Variants in SF3B3 observed in about 807,000 individuals in gnomAD.
The protein encoded by SF3B3 is SAP 130.
Under a neutral mutation model 139.2 loss-of-function variants are expected in SF3B3, and 33 were observed. The ratio of observed to expected loss-of-function variants is 0.24; its 90% CI spans 0.18 to 0.32. The LOEUF is 0.32. Ranked by LOEUF, SF3B3 falls within the 10% of genes least tolerant of loss-of-function variation. SF3B3 has a pLI of 1.00. For synonymous variants in SF3B3, 596 were observed against 563.6 expected (o/e 1.06, Z -0.81); for missense variants, 818 against 1,509.4 (o/e 0.54, Z 7.59).
chr16:70,538,156 A>G (rs2050186415), intron 6 of SF3B3, 167 bp from the exon 7 acceptor site: 1 of 749,480 alleles, frequency 1.3e-6, no homozygotes, highest in Non-Finnish European at 2.4e-6. Context: ...TTATATTAGA[A>G]TTTTGAGCTG....
chr16:70,533,863 T>C (rs1335304078), intron 5 of SF3B3, among the ~76,000 whole-genome samples: 1 of 152,248 alleles, frequency 6.6e-6, no homozygotes, highest in Non-Finnish European at 1.5e-5. Flanking sequence ...TTGTAACATA[T>C]TACCATACCT....
chr16:70,541,929 C>A, intron 9 of SF3B3, 95 bp downstream of exon 9: 1 of 1,142,498 alleles, frequency 8.8e-7, no homozygotes, highest in Non-Finnish European at 1.2e-6. Flanking sequence ...CATGAACTCG[C>A]CAGTGTGTAA....
At chr16:70,569,933 C>A in intron 23 of SF3B3, 73 bp from the exon 24 acceptor site, 1 of 1,540,496 alleles carries the variant, frequency 6.5e-7, no homozygotes, top group Non-Finnish European at 8.9e-7. Context: ...CCTTAGGGAG[C>A]ACTGCTTGCC....
chr16:70,535,453 G>A (rs1485743889), intron 6 of SF3B3, 33 bp downstream of exon 6: 1 of 1,308,616 alleles, frequency 7.6e-7, no homozygotes, highest in Non-Finnish European at 1.1e-6. Flanking sequence ...AGAGAGATTT[G>A]TGTTTAATTT....
At chr16:70,548,692 A>G (rs1439632322) in intron 11 of SF3B3, among the ~76,000 whole-genome samples, 2 of 152,232 alleles carry the variant, frequency 1.3e-5, no homozygotes, top group African/African-American at 4.8e-5. Context: ...TTTCAGAATC[A>G]TAGAGCTGTC....
chr16:70,569,089 C>T lies in SF3B3; in HGVS notation c.3212C>T (p.Thr1071Ile). ...NTNDEVDEDP[T>I]GNKALWDRGL... ...AATGATGAAGTAGATGAGGATCCTACAGGAAACAAAGCCCTGTGGGACCGT... is the reference window on the plus strand; with the variant it reads ...AATGATGAAGTAGATGAGGATCCTATAGGAAACAAAGCCCTGTGGGACCGT... Residue 1071 changes from threonine to isoleucine, a missense_variant, in exon 23 of 26, where the codon ACA becomes ATA. Thr to Ile is a moderately conservative substitution (Grantham distance 89). This residue lies in a region of SF3B3 where 91 missense variants were observed against 171.8 expected (regional missense o/e 0.53). Coordinates refer to ENST00000302516, the MANE Select transcript of SF3B3 (RefSeq NM_012426.5). The T allele has an allele frequency of 6.2e-7, 1 of 1,611,654 alleles. No homozygotes were observed. The highest frequency in any genetic ancestry group is 1.3e-5 in the African/African-American group (1 of 74,990).
intron 4 of SF3B3, 34 bp downstream of exon 4, chr16:70,530,951 A>G: frequency 6.4e-7 from 1 of 1,565,096 alleles, no homozygotes; most frequent in East Asian, 2.3e-5. Context: ...CGTTTCTTTC[A>G]GTCACCTCAG....
chr16:70,538,267 C>T, intron 6 of SF3B3, 56 bp from the exon 7 acceptor site: 1 of 1,515,626 alleles, frequency 6.6e-7, no homozygotes, highest in Non-Finnish European at 9.1e-7. Context: ...GTGCTGAATT[C>T]CAGAACTAAG....
intron 1 of SF3B3, among the ~76,000 whole-genome samples, chr16:70,525,634 G>T (rs1409847904): frequency 6.6e-6 from 1 of 151,748 alleles, no homozygotes; most frequent in South Asian, 2.1e-4. Flanking sequence ...GGTCCTTTTC[G>T]TTCATGTTTT....
intron 14 of SF3B3, 158 bp downstream of exon 14, chr16:70,556,492 G>A: frequency 2.7e-6 from 2 of 741,824 alleles, no homozygotes; most frequent in Non-Finnish European, 2.2e-6. Context: ...ATTGCAGTGT[G>A]TTTCAGGAGT....
chr16:70,553,454 T>C (rs1273145986), intron 11 of SF3B3, among the ~76,000 whole-genome samples: 1 of 152,196 alleles, frequency 6.6e-6, no homozygotes, highest in Non-Finnish European at 1.5e-5. Flanking sequence ...CTACATTGTG[T>C]GGTGCCTTGT....
At chr16:70,531,021 A>C in intron 4 of SF3B3, 104 bp downstream of exon 4, 3 of 995,274 alleles carry the variant, frequency 3.0e-6, no homozygotes, top group South Asian at 1.6e-5. Flanking sequence ...TAATCCCAGC[A>C]CTTTGGGAGG....
Position 70,570,162 on chromosome 16 carries a change from A to G in SF3B3, c.3408+13A>G. 6.2e-7 allele frequency: 1 copy of G among 1,613,970 alleles called. No individual in the cohort carries two copies. The highest frequency in any genetic ancestry group is 1.1e-5 in the South Asian group (1 of 91,062). ...CACGTCCCATGAGGTGAGAGCGCCC[A>G]CATTACTCTGGCCTTGACTTTTAAG... On this transcript the variant is annotated intron_variant, in intron 24 of 25. Coordinates refer to ENST00000302516, the MANE Select transcript of SF3B3 (RefSeq NM_012426.5).
chr16:70,555,330 T>C (rs925749027), intron 13 of SF3B3, 124 bp downstream of exon 13: 1 of 884,022 alleles, frequency 1.1e-6, no homozygotes, highest in Non-Finnish European at 1.8e-6. Flanking sequence ...ATACAAAAAT[T>C]AGCTGGGCGT....
At chr16:70,526,139 A>G (rs568361225) in intron 1 of SF3B3, among the ~76,000 whole-genome samples, 17 of 152,196 alleles carry the variant, frequency 1.1e-4, no homozygotes, top group African/African-American at 4.1e-4. Flanking sequence ...TCGTTTAACA[A>G]TAAAATCAAA....
At position 70,565,237 on chromosome 16, in the gene SF3B3, T is replaced by A. The variant is rs953200751; in HGVS notation, c.2636T>A (p.Leu879His). 6.2e-7 allele frequency: 1 copy of A among 1,614,070 alleles called. No individual in the cohort carries two copies. Among genetic ancestry groups the A allele is most frequent in the African/African-American group, 1.3e-5 (1 of 74,928 alleles). ...CCCATTCAAGGGAACACACTGGACC[T>A]TGTCCAGCTGGAACAGAATGAGGCA... The part of the protein sequence containing the change: ...MNPIQGNTLD[L>H]VQLEQNEAAF... Residue 879 changes from leucine to histidine, a missense_variant, in exon 19 of 26, where the codon CTT becomes CAT. Physicochemically the swap from Leu to His is moderately conservative, Grantham distance 99 (BLOSUM62 -3). Coordinates refer to ENST00000302516, the MANE Select transcript of SF3B3 (RefSeq NM_012426.5).
chr16:70,575,187 CTTTT>C lies in SF3B3; in HGVS notation c.*3379_*3382del, dbSNP rs1206127902. On this transcript the variant is annotated 3_prime_UTR_variant, in exon 26 of 26. Coordinates refer to ENST00000302516, the MANE Select transcript of SF3B3 (RefSeq NM_012426.5). ...TTCTCTTTTTTTTCTTTTTCTTTTT[CTTTT>C]TTTTCTTTTTTTTTTTTTTTTTTTT... The C allele has an allele frequency of 2.3e-5, 3 of 130,080 alleles. No homozygotes were observed. Among genetic ancestry groups the C allele is most frequent in the Admixed American group, 8.0e-5 (1 of 12,530 alleles). The allele number at this position is 130,080 out of a possible 1,614,324, so 8.1% of individuals were successfully genotyped here. A position where few individuals can be genotyped will look rare whatever the true frequency, so the allele number is the denominator to read the frequency against.
rs1491252562 is a variant in SF3B3 at position 70,528,464 on chromosome 16, C to CA, written c.71-409_71-408insA. On this transcript the variant is annotated intron_variant, in intron 2 of 25. Transcript: ENST00000302516. ...ACAGGTGTGAGCCACTGTGCGTGGC[C>CA]TTTTTTTTTTTTTTTTTTTTTTTTA... 3.8e-5 allele frequency among the ~76,000 whole-genome samples: 4 copies of CA among 103,914 alleles called. No homozygotes were observed. In the East Asian group the frequency reaches 1.1e-3, roughly 30 times the overall value. The allele number at this position is 103,914 out of a possible 152,430, so 68.2% of individuals were successfully genotyped here.
chr16:70,523,920 C>A lies in SF3B3; in HGVS notation c.-79C>A. 2.2e-6 allele frequency: 1 copy of A among 452,764 alleles called. No individual in the cohort carries two copies. The highest frequency in any genetic ancestry group is 3.9e-6 in the Non-Finnish European group (1 of 257,416). The allele number at this position is 452,764 out of a possible 1,614,324, so 28.0% of individuals were successfully genotyped here. On this transcript the variant is annotated 5_prime_UTR_variant, in exon 1 of 26. Coordinates refer to ENST00000302516, the MANE Select transcript of SF3B3 (RefSeq NM_012426.5). ...CGTTGGATATCCACACCATCCTTCTCGCTGCAGGGTAAAAAAACAGCCTGG... is the reference window on the plus strand; with the variant it reads ...CGTTGGATATCCACACCATCCTTCTAGCTGCAGGGTAAAAAAACAGCCTGG...
Sources: gnomAD v4.1 joint callset for allele counts (sites outside exome capture counted in the v4.1 genomes callset) on GRCh38, gnomAD v4.1.1 for gene constraint, gnomAD v4.1.1 regional missense constraint, MANE v1.5 for transcripts, NCBI Gene and HGNC (gene_info 2026-07-23, HGNC 2026-07-21) for gene names.